The following NUP133 variants were observed in gnomAD, a reference collection of about 807,000 sequenced individuals.
The protein encoded by NUP133 is nuclear pore complex protein Nup133.
A neutral mutation model predicts 146.2 loss-of-function variants in NUP133; 66 were observed. The observed-to-expected ratio is 0.45, with a 90% CI of 0.37 to 0.55. The LOEUF is 0.55. NUP133 is among the 20% of genes least tolerant of loss of function. The pLI is 0.00. For missense variants in NUP133, 1,277 were observed against 1,374.8 expected (o/e 0.93, Z 1.12); for synonymous variants, 521 against 498.8 (o/e 1.04, Z -0.59).
rs773614056 is a variant in NUP133, at chr1:229,450,585, A to G, written c.3120T>C (p.Asn1040=). 2.5e-6 allele frequency: 4 copies of G among 1,573,254 alleles called. No homozygotes were observed. Among genetic ancestry groups the G allele is most frequent in the Non-Finnish European group, 3.5e-6 (4 of 1,148,976 alleles). The change falls in exon 23 of 26, where the codon AAT becomes AAC. Residue 1040 remains asparagine, a synonymous_variant. Transcript: ENST00000261396. ...QLIGLYICEE[N]RRANEYDFKK... is the part of the protein sequence containing the mutation. ...TGAAATCATATTCATTAGCTCTTCT[A>G]TTTTCTTCACAGATATATAGCTATG...
chr1:229,487,336 G>C, intron 10 of NUP133, 130 bp downstream of exon 10: 1 of 872,750 alleles, frequency 1.1e-6, no homozygotes, highest in Non-Finnish European at 1.8e-6. Context: ...AGCTGCTGTA[G>C]TTGTGGTATG....
intron 18 of NUP133, 59 bp from the exon 19 acceptor site, chr1:229,463,735 A>G (rs1390425587): frequency 2.7e-6 from 4 of 1,490,708 alleles, no homozygotes; most frequent in Non-Finnish European, 3.6e-6. Context: ...AATCTGTAAT[A>G]AAAAATGTTA....
rs369934736 is a variant in NUP133, at chr1:229,500,858, G to A, written c.411C>T (p.Ser137=). Residue 137 remains serine, a synonymous_variant, in exon 4 of 26, where the codon TCC becomes TCT. Coordinates refer to ENST00000261396, the MANE Select transcript of NUP133 (RefSeq NM_018230.3). ...GTGGCAGCTGAAGTTCTTTGCAAAC[G>A]GATAACTGTAGAACAAACCCAAACA... ...KIALSPITKL[S]VCKELQLPPS... The A allele has an allele frequency of 9.3e-6, 15 of 1,608,136 alleles. No individual in the cohort carries two copies. The African/African-American group carries it at 1.9e-4, about 20-fold the overall frequency.
rs547181364 is a variant in NUP133, at chr1:229,492,129, G to A, written c.1047-2027C>T. On this transcript the variant is annotated intron_variant, in intron 8 of 25. Coordinates refer to ENST00000261396, the MANE Select transcript of NUP133 (RefSeq NM_018230.3). ...AACATTTTTTTTTTTTTTTTGAGGCGGAGTTTCACTCTTGTTGCCCAGGCT... is the reference window on the plus strand; with the variant it reads ...AACATTTTTTTTTTTTTTTTGAGGCAGAGTTTCACTCTTGTTGCCCAGGCT... Among the ~76,000 whole-genome samples the A allele has an allele frequency of 8.1e-5, 12 of 147,408 alleles. No individual in the cohort carries two copies. In the East Asian group the frequency reaches 9.9e-4, roughly 12 times the overall value.
chr1:229,465,234 A>C (rs1457523115), intron 17 of NUP133, among the ~76,000 whole-genome samples, 186 bp downstream of exon 17: 1 of 152,248 alleles, frequency 6.6e-6, no homozygotes, highest in African/African-American at 2.4e-5. Flanking sequence ...GAATACATAA[A>C]TTATAGAGAG....
chr1:229,444,716 A>G (rs1358380113), intron 25 of NUP133, among the ~76,000 whole-genome samples, 198 bp downstream of exon 25: 2 of 151,978 alleles, frequency 1.3e-5, no homozygotes, highest in African/African-American at 4.8e-5. Context: ...GCATGGTAGC[A>G]CAGGTCTGTA....
At chr1:229,457,562 A>G (rs1051455312) in intron 21 of NUP133, among the ~76,000 whole-genome samples, 8 of 152,148 alleles carry the variant, frequency 5.3e-5, no homozygotes, top group African/African-American at 1.4e-4. Context: ...TAGCTGTTAT[A>G]CTGTATTGGT....
intron 5 of NUP133, among the ~76,000 whole-genome samples, chr1:229,498,668 A>T (rs1006222112): frequency 1.3e-5 from 2 of 150,866 alleles, no homozygotes; most frequent in African/African-American, 4.9e-5. Context: ...AGGCACAAGA[A>T]TTGCTTGAAC....
intron 4 of NUP133, 57 bp from the exon 5 acceptor site, chr1:229,499,875 G>A: frequency 1.3e-6 from 2 of 1,557,528 alleles, no homozygotes; most frequent in African/African-American, 1.4e-5. Flanking sequence ...CCAAAAACCA[G>A]CAGTCTGATG....
chr1:229,449,873 A>ATATATATATATATATTT (rs1261799272), intron 23 of NUP133, among the ~76,000 whole-genome samples: 1 of 85,798 alleles, frequency 1.2e-5, no homozygotes, highest in Non-Finnish European at 2.1e-5. Context: ...ATATATATAT[A>ATATATATATATATATTT]TTTTTTTTTT....
At chr1:229,451,545 CCTGTAATTT>C (rs1324518102) in intron 22 of NUP133, among the ~76,000 whole-genome samples, 2 of 152,188 alleles carry the variant, frequency 1.3e-5, no homozygotes, top group African/African-American at 4.8e-5. Flanking sequence ...CTTCAAATTT[CCTGTAATTT>C]TTATGGTCAG....
In NUP133 at chr1:229,487,398, A is replaced by C. The variant is rs1184424746; in HGVS notation, c.1342+68T>G. 2.1e-6 allele frequency: 3 copies of C among 1,455,620 alleles called. No homozygotes were observed. In the South Asian group the frequency reaches 3.7e-5, roughly 18 times the overall value. 90.2% of individuals were successfully genotyped at this position (1,455,620 alleles called of 1,614,324 possible). On this transcript the variant is annotated intron_variant, in intron 10 of 25. Coordinates refer to ENST00000261396, the MANE Select transcript of NUP133 (RefSeq NM_018230.3). ...GCATGCTTGAAGTGACATTCAGGGA[A>C]AGAGAAAAAAAGCACTCAGAATGAC... is the stretch of plus-strand genomic sequence containing the variant.
At chr1:229,486,621 G>A in intron 10 of NUP133, 93 bp from the exon 11 acceptor site, 1 of 1,204,876 alleles carries the variant, frequency 8.3e-7, no homozygotes, top group African/African-American at 1.6e-5. Flanking sequence ...TCATCTTGAT[G>A]ATATATTAAG....
chr1:229,464,379 G>C (rs186109880), intron 18 of NUP133, among the ~76,000 whole-genome samples: 96 of 152,260 alleles, frequency 6.3e-4, no homozygotes, highest in African/African-American at 2.2e-3. Context: ...AGCTCTTTAA[G>C]GGTAGTCTCC....
intron 9 of NUP133, among the ~76,000 whole-genome samples, chr1:229,488,328 A>C (rs538995293): frequency 6.6e-6 from 1 of 152,326 alleles, no homozygotes; most frequent in South Asian, 2.1e-4. Context: ...CCTTACTGCC[A>C]AGATATTAAT....
rs1255621809 is a variant in NUP133 at position 229,495,877 on chromosome 1, A to G, written c.975+15T>C. Reference sequence around the variant, plus strand: ...ATAAACATGAATTACAGAGATGAATATTATTGTTTCTTACCCAAATAGCAT... The same window carrying G: ...ATAAACATGAATTACAGAGATGAATGTTATTGTTTCTTACCCAAATAGCAT... On this transcript the variant is annotated intron_variant, in intron 7 of 25. Transcript: ENST00000261396. The G allele has an allele frequency of 1.9e-6, 3 of 1,563,172 alleles. No individual in the cohort carries two copies. Among genetic ancestry groups the G allele is most frequent in the African/African-American group, 1.4e-5 (1 of 72,444 alleles).
chr1:229,472,735 C>T (rs1660989995), intron 14 of NUP133, among the ~76,000 whole-genome samples: 1 of 116,390 alleles, frequency 8.6e-6, no homozygotes, highest in Non-Finnish European at 1.8e-5. Context: ...TATGTACAAT[C>T]ATTCTAGTCA....
chr1:229,456,031 GT>G (rs1281125945), intron 21 of NUP133, among the ~76,000 whole-genome samples: 1 of 152,150 alleles, frequency 6.6e-6, no homozygotes, highest in African/African-American at 2.4e-5. Context: ...TGTTGGTAAA[GT>G]TTTTGAAGAG....
intron 21 of NUP133, among the ~76,000 whole-genome samples, chr1:229,454,359 A>T (rs1205721842): frequency 6.6e-6 from 1 of 152,194 alleles, no homozygotes; most frequent in Non-Finnish European, 1.5e-5. Flanking sequence ...ACTTTCGCTC[A>T]AATACTGGCA....
Sources: gnomAD v4.1 joint callset for allele counts (sites outside exome capture counted in the v4.1 genomes callset) on GRCh38, gnomAD v4.1.1 for gene constraint, MANE v1.5 for transcripts, NCBI Gene and HGNC (gene_info 2026-07-23, HGNC 2026-07-21) for gene names.